Variants in PM20D1 observed in about 807,000 individuals in gnomAD.
The protein encoded by PM20D1 is peptidase M20 domain containing 1.
In PM20D1, 53 loss-of-function variants were observed where a neutral mutation model predicts 53.8. The observed-to-expected ratio is 0.98, with a 90% confidence interval of 0.79 to 1.24. The LOEUF (loss-of-function observed/expected upper bound fraction) is 1.24, where lower values mean the gene tolerates loss of function less well. Among genes scored for constraint, PM20D1 ranks in the 50% most tolerant of loss-of-function variants. PM20D1 has a pLI of 0.00. For synonymous variants in PM20D1, 239 were observed against 241.3 expected (o/e 0.99, Z 0.09); for missense variants, 564 against 616.8 (o/e 0.91, Z 0.91).
chr1:205,833,076 G>A (rs983936570), intron 10 of PM20D1, among the ~76,000 whole-genome samples: 1 of 152,238 alleles, frequency 6.6e-6, no homozygotes, highest in African/African-American at 2.4e-5. Flanking sequence ...CAACGAAGTG[G>A]CAAGGGGATG....
intron 10 of PM20D1, among the ~76,000 whole-genome samples, chr1:205,833,675 G>A (rs978805858): frequency 6.6e-6 from 1 of 152,168 alleles, no homozygotes; most frequent in Non-Finnish European, 1.5e-5. Context: ...GTCACATAGA[G>A]CCACGTGGGA....
rs1001656243 is a variant in PM20D1, at chr1:205,832,703, A to G, written c.1180T>C (p.Phe394Leu). The G allele has an allele frequency of 6.2e-7, 1 of 1,613,864 alleles. No homozygotes were observed. The highest frequency in any genetic ancestry group is 1.3e-5 in the African/African-American group (1 of 74,918). Residue 394 changes from phenylalanine to leucine, a missense_variant, in exon 11 of 13, where the codon TTT becomes CTT. Physicochemically the swap from Phe to Leu is conservative, Grantham distance 22. Coordinates refer to ENST00000367136, the MANE Select transcript of PM20D1 (RefSeq NM_152491.5). ...NRVQFHVLSA[F>L]DPLPVSPSDD... The stretch of plus-strand genomic sequence containing the variant: ...GAAGGGCTGACGGGGAGGGGGTCAA[A>G]GGCACTCAACACATGGAACTGGACT...
rs1467078650 is a variant in PM20D1, at chr1:205,832,683, G to T, written c.1200C>A (p.Ser400Arg). 1 of 1,614,128 alleles carries T rather than the reference G, an allele frequency of 6.2e-7. No homozygotes were observed. The highest frequency in any genetic ancestry group is 2.2e-5 in the East Asian group (1 of 44,882). ...VLSAFDPLPV[S>R]PSDDKALGYQ... is the part of the protein sequence containing the mutation. ...AGCCCAAGGCCTTGTCATCAGAAGGGCTGACGGGGAGGGGGTCAAAGGCAC... is the reference window on the plus strand; with the variant it reads ...AGCCCAAGGCCTTGTCATCAGAAGGTCTGACGGGGAGGGGGTCAAAGGCAC... The change falls in exon 11 of 13, where the codon AGC becomes AGA. Residue 400 changes from serine (S) to arginine (R), a missense_variant. Transcript: ENST00000367136.
intron 11 of PM20D1, among the ~76,000 whole-genome samples, chr1:205,831,890 C>T (rs1305628164): frequency 6.6e-6 from 1 of 152,104 alleles, no homozygotes; most frequent in African/African-American, 2.4e-5. Context: ...AGAGCAATAA[C>T]CATTGACCAG....
intron 10 of PM20D1, among the ~76,000 whole-genome samples, chr1:205,837,482 C>A (rs1571671436): frequency 6.6e-6 from 1 of 152,184 alleles, no homozygotes; most frequent in East Asian, 1.9e-4. Context: ...GGAGACCTAT[C>A]TACAACTGAA....
At chr1:205,841,447 A>T (rs1402918109) in intron 9 of PM20D1, among the ~76,000 whole-genome samples, 1 of 152,124 alleles carries the variant, frequency 6.6e-6, no homozygotes, top group Admixed American at 6.5e-5. Flanking sequence ...ACACCATTCA[A>T]ATGTCAGGAC....
Position 205,842,054 on chromosome 1 carries a change from G to A in PM20D1, c.965+100C>T, listed in dbSNP as rs79346203. Reference sequence around the variant, plus strand: ...CTTAGAGATGCAGTATCTGGTGGCTGAGGGATGATTAGTCAGGCCCAGTTA... The same window carrying A: ...CTTAGAGATGCAGTATCTGGTGGCTAAGGGATGATTAGTCAGGCCCAGTTA... On this transcript the variant is annotated intron_variant, in intron 8 of 12. Transcript: ENST00000367136. 4.0e-3 allele frequency: 5,132 copies of A among 1,293,914 alleles called. 171 individuals carry two copies. The African/African-American group carries it at 0.063, about 16-fold the overall frequency. The allele number at this position is 1,293,914 out of a possible 1,614,324, so 80.2% of individuals were successfully genotyped here.
At chr1:205,844,737 T>C in intron 4 of PM20D1, 74 bp downstream of exon 4, 1 of 1,380,750 alleles carries the variant, frequency 7.2e-7, no homozygotes. Flanking sequence ...GTGGGCAAAC[T>C]GGACTAGGGT....
At chr1:205,842,854 G>GC in intron 6 of PM20D1, 103 bp from the exon 7 acceptor site, 2 of 972,158 alleles carry the variant, frequency 2.1e-6, no homozygotes, top group Non-Finnish European at 3.2e-6. Flanking sequence ...AACGCTCCTG[G>GC]CCAAGAGGTC....
At position 205,843,723 on chromosome 1, in the gene PM20D1, G is replaced by T; in HGVS notation, c.771C>A (p.His257Gln). 6.2e-7 allele frequency: 1 copy of T among 1,614,194 alleles called. No homozygotes were observed. Among genetic ancestry groups the T allele is most frequent in the Non-Finnish European group, 8.5e-7 (1 of 1,180,028 alleles). The change falls in exon 6 of 13, where the codon CAC (histidine) becomes CAA (glutamine). Residue 257 changes from histidine to glutamine, a missense_variant. His to Gln is a conservative substitution (Grantham distance 24). Coordinates refer to ENST00000367136, the MANE Select transcript of PM20D1 (RefSeq NM_152491.5). ...TTGTCTCCTTTGGAGGAGCTGAAGA[G>T]TGGCCTGAAGTCATGTTTACTTGCA... ...LMLQVNMTSG[H>Q]SSAPPKETSI...
At chr1:205,830,210 T>A in intron 12 of PM20D1, 70 bp downstream of exon 12, 2 of 1,190,152 alleles carry the variant, frequency 1.7e-6, no homozygotes, top group Non-Finnish European at 2.5e-6. Flanking sequence ...GCCAGGAGCA[T>A]GGGGTAGGAA....
At chr1:205,835,913 T>C (rs528201825) in intron 10 of PM20D1, among the ~76,000 whole-genome samples, 4 of 151,870 alleles carry the variant, frequency 2.6e-5, no homozygotes, top group Non-Finnish European at 5.9e-5. Flanking sequence ...TCTCGCTCTG[T>C]CACCCAGACT....
chr1:205,844,751 GC>G, intron 4 of PM20D1, 59 bp downstream of exon 4: 1 of 1,504,698 alleles, frequency 6.6e-7, no homozygotes, highest in Non-Finnish European at 9.2e-7. Flanking sequence ...CTAGGGTTAA[GC>G]ACCCACTCCC....
At chr1:205,831,809 G>T (rs1013966159) in intron 11 of PM20D1, among the ~76,000 whole-genome samples, 5 of 151,960 alleles carry the variant, frequency 3.3e-5, no homozygotes, top group Admixed American at 2.6e-4. Flanking sequence ...TGATCCACCC[G>T]CCTCTGCCTC....
At chr1:205,842,088 A>G in intron 8 of PM20D1, 66 bp downstream of exon 8, 1 of 1,486,538 alleles carries the variant, frequency 6.7e-7, no homozygotes, top group Non-Finnish European at 9.4e-7. Context: ...TAAGCCAAGG[A>G]GAGGGGCCTG....
At chr1:205,830,245 T>G in intron 12 of PM20D1, 35 bp downstream of exon 12, 1 of 1,460,934 alleles carries the variant, frequency 6.8e-7, no homozygotes, top group Non-Finnish European at 9.6e-7. Flanking sequence ...TGTATTTCTT[T>G]TCTCCCACCT....
intron 9 of PM20D1, 88 bp downstream of exon 9, chr1:205,841,723 G>A: frequency 1.5e-6 from 2 of 1,301,042 alleles, no homozygotes. Context: ...ACACACAGAA[G>A]GAAGGAAGAG....
At chr1:205,848,789 G>A (rs894193095) in intron 1 of PM20D1, among the ~76,000 whole-genome samples, 18 of 152,170 alleles carry the variant, frequency 1.2e-4, no homozygotes, top group Admixed American at 1.2e-3. Flanking sequence ...TTTTGCTAAG[G>A]ATCAACCCTA....
At chr1:205,848,446 T>C (rs1539394) in intron 1 of PM20D1, among the ~76,000 whole-genome samples, 125,881 of 152,092 alleles carry the variant, frequency 0.83, 53,656 homozygotes, top group Non-Finnish European at 0.94. Context: ...GCTTATTCCT[T>C]ATGCAGAGTC....
Sources: allele counts gnomAD v4.1 joint callset (sites outside exome capture counted in the v4.1 genomes callset), GRCh38; gene constraint gnomAD v4.1.1; transcripts MANE v1.5; gene names NCBI Gene and HGNC (gene_info 2026-07-23, HGNC 2026-07-21).